DMD: variants seen among roughly 807,000 people sequenced by gnomAD.
The protein encoded by DMD is mutant dystrophin.
A neutral mutation model predicts 330.1 loss-of-function variants in DMD; 63 were observed. The observed-to-expected ratio is 0.19, with a 90% CI of 0.16 to 0.24. DMD has a LOEUF of 0.24. Among genes scored for constraint, DMD ranks in the 10% least tolerant of loss-of-function variants. The pLI is 1.00. For missense variants in DMD, 3,344 were observed against 2,684.1 expected (o/e 1.25, Z -5.43); for synonymous variants, 1,223 against 959.8 (o/e 1.27, Z -5.07).
At chrX:32,719,659 T>C (rs777797483) in intron 7 of DMD, among the ~76,000 whole-genome samples, 13 of 112,035 alleles carry the variant, frequency 1.2e-4, no homozygotes, top group African/African-American at 3.6e-4. Context: ...GCTTTGAGCA[T>C]ATTAAATGTA....
intron 42 of DMD, among the ~76,000 whole-genome samples, chrX:32,308,300 T>C (rs1434584697): frequency 1.8e-5 from 2 of 111,625 alleles, no homozygotes; most frequent in Non-Finnish European, 3.8e-5. Flanking sequence ...ACTATAGTTC[T>C]GTAATTTGAT....
intron 50 of DMD, among the ~76,000 whole-genome samples, chrX:31,800,399 A>G (rs1225164055): frequency 8.9e-6 from 1 of 112,580 alleles, no homozygotes; most frequent in Non-Finnish European, 1.9e-5. Flanking sequence ...CAACAGCCTG[A>G]GCTGTACTTT....
At chrX:32,366,806 T>C (rs982296298) in intron 34 of DMD, among the ~76,000 whole-genome samples, 2 of 112,248 alleles carry the variant, frequency 1.8e-5, no homozygotes, top group Non-Finnish European at 3.8e-5. Flanking sequence ...AAACAATGTA[T>C]AAAAATTTTT....
intron 57 of DMD, among the ~76,000 whole-genome samples, chrX:31,490,019 A>C (rs1182903088): frequency 4.5e-5 from 5 of 111,973 alleles, no homozygotes; most frequent in Non-Finnish European, 9.4e-5. Context: ...TAGTTTTCAG[A>C]AGACTTAGAC....
At chrX:31,674,830 C>T (rs967783073) in intron 53 of DMD, among the ~76,000 whole-genome samples, 11 of 112,513 alleles carry the variant, frequency 9.8e-5, no homozygotes, top group Non-Finnish European at 1.7e-4. Context: ...ACCAAGAATC[C>T]GCCAAATGAA....
chrX:32,777,563 G>C (rs1304573562), intron 7 of DMD, among the ~76,000 whole-genome samples: 1 of 110,714 alleles, frequency 9.0e-6, no homozygotes, highest in Non-Finnish European at 1.9e-5. Context: ...GAATAAACAA[G>C]AATAAGACCT....
intron 1 of DMD, among the ~76,000 whole-genome samples, chrX:33,293,090 T>C (rs1448752285): frequency 9.0e-6 from 1 of 111,725 alleles, no homozygotes; most frequent in Non-Finnish European, 1.9e-5. Flanking sequence ...ATAGGTTATG[T>C]GATTATCCCT....
intron 44 of DMD, among the ~76,000 whole-genome samples, chrX:32,180,961 A>C (rs769130308): frequency 2.7e-5 from 3 of 111,510 alleles, no homozygotes; most frequent in East Asian, 5.7e-4. Context: ...ACAAAGCCAA[A>C]CCATAGGATC....
intron 2 of DMD, among the ~76,000 whole-genome samples, chrX:32,972,747 T>C (rs1441745915): frequency 8.9e-6 from 1 of 111,946 alleles, no homozygotes; most frequent in Non-Finnish European, 1.9e-5. Flanking sequence ...CTCCGTACTT[T>C]AGTTTCTTTC....
intron 44 of DMD, among the ~76,000 whole-genome samples, chrX:32,062,638 C>T (rs1177452216): frequency 2.7e-5 from 3 of 110,674 alleles, no homozygotes; most frequent in African/African-American, 9.8e-5. Context: ...ATCGGGAATA[C>T]GTTTCTTAAA....
intron 57 of DMD, 71 bp from the exon 58 acceptor site, chrX:31,479,174 C>A: frequency 8.9e-7 from 1 of 1,124,614 alleles, no homozygotes; most frequent in Non-Finnish European, 1.2e-6. Context: ...CCTGGGTGCT[C>A]AGAACTTGTT....
chrX:31,508,422 A>AC (rs1199410354), intron 55 of DMD: 1 of 392,065 alleles, frequency 2.6e-6, no homozygotes, highest in Non-Finnish European at 4.3e-6. Context: ...TCCGCACTAA[A>AC]CAGTAGCCAG....
chrX:31,384,082 G>T (rs1300273365), intron 60 of DMD, among the ~76,000 whole-genome samples: 1 of 111,255 alleles, frequency 9.0e-6, no homozygotes, highest in Non-Finnish European at 1.9e-5. Flanking sequence ...GGGATTCAAG[G>T]GTCGCGGGCA....
intron 2 of DMD, among the ~76,000 whole-genome samples, chrX:32,912,457 C>A (rs897668005): frequency 9.0e-6 from 1 of 110,735 alleles, no homozygotes; most frequent in African/African-American, 3.3e-5. Context: ...CCCAGCAATC[C>A]CACTCCTACA....
intron 12 of DMD, among the ~76,000 whole-genome samples, chrX:32,597,259 G>C (rs1279183253): frequency 2.7e-5 from 3 of 111,326 alleles, no homozygotes; most frequent in Non-Finnish European, 5.7e-5. Flanking sequence ...TCATAGTATT[G>C]TCACTACTCA....
intron 44 of DMD, among the ~76,000 whole-genome samples, chrX:32,172,170 A>G (rs2096889980): frequency 8.9e-6 from 1 of 111,853 alleles, no homozygotes; most frequent in South Asian, 3.7e-4. Flanking sequence ...AAAAGCGACA[A>G]CAAAACGGTC....
chrX:32,752,244 G>A (rs1483242858), intron 7 of DMD, among the ~76,000 whole-genome samples: 4 of 111,428 alleles, frequency 3.6e-5, no homozygotes, highest in African/African-American at 6.5e-5. Flanking sequence ...AAGCATCCAG[G>A]AGGGAGGCTG....
At position 33,240,650 on chromosome X, in the gene DMD, A is replaced by G. The variant is rs775930804; in HGVS notation, c.7+98609T>C. 1.9e-4 allele frequency among the ~76,000 whole-genome samples: 21 copies of G among 111,833 alleles called. No homozygotes were observed. In the South Asian group the frequency reaches 7.8e-3, roughly 42 times the overall value. ...TTTGAGAAAGCCCCTACTGTTTTCA[A>G]TAATGGTTATATTAATTCACATTCC... On this transcript the variant is annotated intron_variant, in intron 1 of 17. Transcript: ENST00000288447.
intron 62 of DMD, among the ~76,000 whole-genome samples, chrX:31,304,826 T>C (rs2054906900): frequency 9.0e-6 from 1 of 110,934 alleles, no homozygotes; most frequent in Non-Finnish European, 1.9e-5. Flanking sequence ...ATATTGATGA[T>C]TACAAAAGTT....
Sources: allele counts gnomAD v4.1 joint callset (sites outside exome capture counted in the v4.1 genomes callset), GRCh38; gene constraint gnomAD v4.1.1; transcripts MANE v1.5; gene names NCBI Gene and HGNC (gene_info 2026-07-23, HGNC 2026-07-21).